Variants in IL7 observed in about 807,000 individuals in gnomAD.
IL7 encodes interleukin 7.
A neutral mutation model predicts 21.6 loss-of-function variants in IL7; 3 were observed. The observed-to-expected ratio is 0.14, with a 90% CI of 0.06 to 0.36. The LOEUF (loss-of-function observed/expected upper bound fraction) is 0.36. Among genes scored for constraint, IL7 ranks in the 10% least tolerant of loss-of-function variants. The pLI, the probability that IL7 is intolerant of heterozygous loss-of-function variation, is 1.00. For synonymous variants in IL7, 62 were observed against 68.1 expected, an observed-to-expected ratio of 0.91 and a Z score of 0.44; for missense variants, 175 against 200.2, an observed-to-expected ratio of 0.87 and a Z score of 0.76.
intron 4 of IL7, among the ~76,000 whole-genome samples, chr8:78,681,336 A>G (rs1809770068): frequency 1.3e-5 from 2 of 152,148 alleles, no homozygotes; most frequent in Non-Finnish European, 2.9e-5. Flanking sequence ...AAAAGATACT[A>G]TGAGAAAAAA....
intron 2 of IL7, among the ~76,000 whole-genome samples, chr8:78,748,460 T>C (rs1812056482): frequency 1.3e-5 from 2 of 152,236 alleles, no homozygotes; most frequent in Non-Finnish European, 2.9e-5. Flanking sequence ...TCAAGGATCA[T>C]TCTTGAGTTG....
intron 2 of IL7, among the ~76,000 whole-genome samples, chr8:78,775,296 C>T (rs957317099): frequency 4.6e-5 from 7 of 152,072 alleles, no homozygotes; most frequent in African/African-American, 9.7e-5. Context: ...GAAAACCTGA[C>T]GGCATATTCA....
intron 1 of IL7, among the ~76,000 whole-genome samples, chr8:78,801,943 T>C (rs1317051590): frequency 6.6e-6 from 1 of 152,166 alleles, no homozygotes; most frequent in Admixed American, 6.5e-5. Flanking sequence ...GAGAGTGCTT[T>C]TGGCATTGTT....
In IL7 at chr8:78,760,276, T is replaced by A. The variant is rs201611883; in HGVS notation, c.148-20194A>T. ...TTTATGTTAAGCAAAGCCAAGTTAC[T>A]TGACCTTTGGTCTGTCAAAGTGTTC... On this transcript the variant is annotated intron_variant, in intron 2 of 5. Transcript: ENST00000263851. The A allele has an allele frequency of 3.6e-4, 580 of 1,606,626 alleles. 2 individuals are homozygous for A. Among genetic ancestry groups the A allele is most frequent in the Non-Finnish European group, 4.6e-4 (538 of 1,178,336 alleles).
At chr8:78,709,221 C>T (rs1439994089) in intron 3 of IL7, among the ~76,000 whole-genome samples, 1 of 151,930 alleles carries the variant, frequency 6.6e-6, no homozygotes, top group Non-Finnish European at 1.5e-5. Flanking sequence ...TTAGAGCAAC[C>T]AAAGGCATGT....
At chr8:78,713,378 A>G (rs991055751), downstream of IL7, among the ~76,000 whole-genome samples, 12 of 152,098 alleles carry the variant, frequency 7.9e-5, no homozygotes, top group Non-Finnish European at 2.9e-5. Context: ...ACCTCAAGTT[A>G]CCGATATGGT....
chr8:78,693,848 G>A (rs559798403), intron 3 of IL7, among the ~76,000 whole-genome samples: 1 of 152,256 alleles, frequency 6.6e-6, no homozygotes, highest in Non-Finnish European at 1.5e-5. Flanking sequence ...TTTTCTTCTA[G>A]GGTTTTTATA....
chr8:78,788,276 C>A (rs1813578214), intron 2 of IL7, among the ~76,000 whole-genome samples: 1 of 151,788 alleles, frequency 6.6e-6, no homozygotes, highest in Admixed American at 6.6e-5. Flanking sequence ...TATTTATTTT[C>A]TTCTGATTAA....
intron 2 of IL7, among the ~76,000 whole-genome samples, chr8:78,775,683 C>G (rs1000534847): frequency 2.0e-5 from 3 of 152,060 alleles, no homozygotes; most frequent in Non-Finnish European, 2.9e-5. Flanking sequence ...TACTGACTTA[C>G]TGTAACCTCT....
chr8:78,688,082 A>G (rs1225264881), intron 3 of IL7, among the ~76,000 whole-genome samples: 1 of 151,006 alleles, frequency 6.6e-6, no homozygotes. Flanking sequence ...CATGGGCCAT[A>G]CTTTGCGAAA....
Position 78,804,987 on chromosome 8 carries a change from C to T in IL7, c.-65G>A. 6.4e-7 allele frequency: 1 copy of T among 1,570,912 alleles called. No homozygotes were observed. The highest frequency in any genetic ancestry group is 8.7e-7 in the Non-Finnish European group (1 of 1,150,422). ...GGAGCAGGAGCAAGCTCTCACCGCC[C>T]ATAGTCACTCCCAGGACCCTGGTCT... On this transcript the variant is annotated 5_prime_UTR_variant, in exon 1 of 6. The change abolishes an upstream ATG in the 5' untranslated region. Coordinates refer to ENST00000263851, the MANE Select transcript of IL7 (RefSeq NM_000880.4).
At chr8:78,773,775 T>C (rs1474699365) in intron 2 of IL7, among the ~76,000 whole-genome samples, 1 of 152,122 alleles carries the variant, frequency 6.6e-6, no homozygotes, top group Non-Finnish European at 1.5e-5. Flanking sequence ...TATTTCTGAC[T>C]GAGATGCTTA....
At chr8:78,764,914 C>G (rs1237252706) in intron 2 of IL7, among the ~76,000 whole-genome samples, 1 of 151,970 alleles carries the variant, frequency 6.6e-6, no homozygotes, top group Non-Finnish European at 1.5e-5. Flanking sequence ...GGACTGACAC[C>G]ACTCAATTTC....
At chr8:78,770,434 T>C (rs936152390) in intron 2 of IL7, among the ~76,000 whole-genome samples, 2 of 152,136 alleles carry the variant, frequency 1.3e-5, no homozygotes, top group African/African-American at 4.8e-5. Context: ...GGAAGGATGC[T>C]TCCTTGAAAA....
chr8:78,706,157 G>C (rs373565146), intron 3 of IL7, among the ~76,000 whole-genome samples: 2 of 152,106 alleles, frequency 1.3e-5, no homozygotes, highest in East Asian at 3.9e-4. Context: ...CCTTCCCCTG[G>C]GAGTTCCATC....
chr8:78,761,618 A>G, intron 2 of IL7: 10 of 1,611,992 alleles, frequency 6.2e-6, no homozygotes, highest in Non-Finnish European at 7.6e-6. Flanking sequence ...TTCCCCTGCT[A>G]TGTCCACTAC....
chr8:78,693,489 T>G (rs1810288019), intron 3 of IL7, among the ~76,000 whole-genome samples: 1 of 152,242 alleles, frequency 6.6e-6, no homozygotes, highest in Admixed American at 6.5e-5. Flanking sequence ...CCAGTAATGA[T>G]GAACATTTTT....
chr8:78,785,093 G>T (rs1359937467), intron 2 of IL7, among the ~76,000 whole-genome samples: 2 of 151,982 alleles, frequency 1.3e-5, no homozygotes, highest in Non-Finnish European at 2.9e-5. Context: ...CAACTGACTT[G>T]CCATTTCCAC....
chr8:78,799,112 GTA>G (rs1159101573), intron 1 of IL7, among the ~76,000 whole-genome samples: 1 of 152,094 alleles, frequency 6.6e-6, no homozygotes, highest in African/African-American at 2.4e-5. Context: ...TGTCTTATTT[GTA>G]TCTTTTTGTA....
Sources: gnomAD v4.1 joint callset for allele counts (sites outside exome capture counted in the v4.1 genomes callset) on GRCh38, gnomAD v4.1.1 for gene constraint, MANE v1.5 for transcripts, NCBI Gene and HGNC (gene_info 2026-07-23, HGNC 2026-07-21) for gene names.